AXIN1: variants seen among roughly 807,000 people sequenced by gnomAD.
AXIN1 encodes axin 1.
Under a neutral mutation model 76.4 loss-of-function variants are expected in AXIN1, and 30 were observed. The observed-to-expected ratio is 0.39, with a 90% CI of 0.29 to 0.53. AXIN1 has a LOEUF of 0.53. AXIN1 is among the 20% of genes least tolerant of loss of function. AXIN1 has a pLI of 0.66. For synonymous variants in AXIN1, 545 were observed against 501.4 expected (o/e 1.09, Z -1.16); for missense variants, 1,140 against 1,198.8 (o/e 0.95, Z 0.72).
intron 2 of AXIN1, among the ~76,000 whole-genome samples, chr16:344,475 TG>T (rs147164434): frequency 0.21 from 31,215 of 148,894 alleles, 3,596 homozygotes; most frequent in South Asian, 0.3. Flanking sequence ...AATCCTTTTT[TG>T]TTTTTTTTTT....
rs1215887445 is a variant in AXIN1 at position 287,628 on chromosome 16, G to C, written c.*494C>G. 2 of 318,104 alleles carry C rather than the reference G, an allele frequency of 6.3e-6. No homozygotes were observed. Among genetic ancestry groups the C allele is most frequent in the Non-Finnish European group, 1.2e-5 (2 of 169,832 alleles). The allele number at this position is 318,104 out of a possible 1,614,324, so 19.7% of individuals were successfully genotyped here. The stretch of plus-strand genomic sequence containing the variant: ...CTGCACAGCCGGCGGCTGGAGGCAG[G>C]TGCAGTGCTCCGTCGCCGATTCACA... On this transcript the variant is annotated 3_prime_UTR_variant, in exon 11 of 11. Transcript: ENST00000262320.
intron 2 of AXIN1, among the ~76,000 whole-genome samples, chr16:333,101 G>A (rs903197027): frequency 6.6e-6 from 1 of 152,136 alleles, no homozygotes; most frequent in African/African-American, 2.4e-5. Flanking sequence ...TGGAGGCCGA[G>A]GCAGGCGGAT....
At chr16:327,300 C>T (rs1178199100) in intron 2 of AXIN1, among the ~76,000 whole-genome samples, 1 of 152,110 alleles carries the variant, frequency 6.6e-6, no homozygotes, top group Non-Finnish European at 1.5e-5. Flanking sequence ...TGGGGCAGGG[C>T]ACTCTCACCC....
chr16:350,764 C>T (rs949372478), intron 1 of AXIN1, among the ~76,000 whole-genome samples: 8 of 152,210 alleles, frequency 5.3e-5, no homozygotes, highest in African/African-American at 1.9e-4. Flanking sequence ...GACAAGTCAA[C>T]ACCAGCTGAA....
intron 2 of AXIN1, among the ~76,000 whole-genome samples, chr16:341,430 T>C (rs900125848): frequency 1.3e-5 from 2 of 152,232 alleles, no homozygotes; most frequent in African/African-American, 4.8e-5. Flanking sequence ...GAGGGTGTGC[T>C]GGGTCCCCCG....
At chr16:314,417 C>T in intron 3 of AXIN1, 126 bp downstream of exon 3, 2 of 1,451,314 alleles carry the variant, frequency 1.4e-6, no homozygotes, top group South Asian at 1.2e-5. Context: ...TTACACGCTG[C>T]CATCCGCAAG....
intron 2 of AXIN1, among the ~76,000 whole-genome samples, chr16:345,168 G>A (rs2054008942): frequency 6.6e-6 from 1 of 152,128 alleles, no homozygotes; most frequent in Non-Finnish European, 1.5e-5. Flanking sequence ...AGGTTCCAAG[G>A]CTGAGCACCA....
rs1224890837 is a variant in AXIN1, at chr16:293,849, C to T, written c.1956-131G>A. On this transcript the variant is annotated intron_variant, in intron 7 of 10. Transcript: ENST00000262320. The surrounding 1 kb of genome is among the most constrained non-coding windows in gnomAD (Gnocchi z 4.6). ...GGGATGGGGCACTGGGGCCTGGCCA[C>T]CAAGCCACATGGACGTCCTCCACAG... The T allele has an allele frequency of 6.9e-6, 6 of 873,720 alleles. No individual in the cohort carries two copies. Among genetic ancestry groups the T allele is most frequent in the South Asian group, 1.3e-5 (1 of 74,510 alleles). 54.1% of individuals were successfully genotyped at this position (873,720 alleles called of 1,614,324 possible).
chr16:351,451 A>T (rs546769851), intron 1 of AXIN1, among the ~76,000 whole-genome samples: 1 of 152,264 alleles, frequency 6.6e-6, no homozygotes, highest in East Asian at 1.9e-4. Context: ...CTCTACTAAA[A>T]ATACAAAAAT....
chr16:314,461 C>A (rs2141591475), intron 3 of AXIN1, 82 bp downstream of exon 3: 1 of 1,585,934 alleles, frequency 6.3e-7, no homozygotes, highest in East Asian at 2.3e-5. Context: ...TTACACATTG[C>A]TGTCCTCAAG....
In AXIN1 at chr16:297,970, C is replaced by T. The variant is rs779801377; in HGVS notation, c.1536G>A (p.Gly512=). 1 of 1,601,734 alleles carries T rather than the reference C, an allele frequency of 6.2e-7. No homozygotes were observed. Among genetic ancestry groups the T allele is most frequent in the Non-Finnish European group, 8.5e-7 (1 of 1,177,242 alleles). Residue 512 remains glycine, a synonymous_variant, in exon 6 of 11, where the codon GGG becomes GGA. Transcript: ENST00000262320. The stretch of plus-strand genomic sequence containing the variant: ...CTGACTTGGGTACGTGCTTCCCGTG[C>T]CCCGAGGCGGCACCCCCCAGTGCCA... ...MPVALGGAAS[G]HGKHVPKSGA...
chr16:321,986 A>C (rs1033864839), intron 2 of AXIN1, among the ~76,000 whole-genome samples: 14 of 152,246 alleles, frequency 9.2e-5, no homozygotes, highest in Admixed American at 2.6e-4. Context: ...AAATGGCTGG[A>C]AACACACATC....
chr16:294,848 G>A (rs1274107202), intron 7 of AXIN1, among the ~76,000 whole-genome samples: 3 of 151,286 alleles, frequency 2.0e-5, no homozygotes, highest in Non-Finnish European at 4.4e-5. Context: ...GGATCACGAG[G>A]TCAAGAGATC....
chr16:295,610 G>A (rs922369624), intron 7 of AXIN1, among the ~76,000 whole-genome samples: 3 of 152,214 alleles, frequency 2.0e-5, no homozygotes, highest in Middle Eastern at 3.4e-3. Flanking sequence ...AAAGTGGAAT[G>A]TATTAATACT....
intron 4 of AXIN1, among the ~76,000 whole-genome samples, chr16:305,008 G>C (rs1168103926): frequency 1.3e-5 from 2 of 152,196 alleles, no homozygotes; most frequent in African/African-American, 4.8e-5. Flanking sequence ...GGCCTGAGCA[G>C]GGCAGCTTCA....
At chr16:289,114 A>G (rs2052478115) in intron 10 of AXIN1, among the ~76,000 whole-genome samples, 1 of 150,528 alleles carries the variant, frequency 6.6e-6, no homozygotes. Context: ...GTAGAGACAG[A>G]GTCTCGCTCT....
chr16:296,943 G>C (rs558834575), intron 7 of AXIN1, 113 bp downstream of exon 7: 1 of 1,304,232 alleles, frequency 7.7e-7, no homozygotes, highest in Non-Finnish European at 1.1e-6. Flanking sequence ...GGAAGTGTGA[G>C]GCGTCACAGG....
In AXIN1 at chr16:293,211, C is replaced by A. The variant is rs919047866; in HGVS notation, c.2186+277G>T. The A allele has an allele frequency of 1.0e-4, 53 of 530,494 alleles. No individual in the cohort carries two copies. Among genetic ancestry groups the A allele is most frequent in the Non-Finnish European group, 1.6e-4 (47 of 294,740 alleles). The allele number at this position is 530,494 out of a possible 1,614,324, so 32.9% of individuals were successfully genotyped here. A position where few individuals can be genotyped will look rare whatever the true frequency, so the allele number is the denominator to read the frequency against. ...ACACTGGGGCCCTGCAGCCTCCCTGCAGACTGGGCTCAGGTTGAGGAGGGA... is the reference window on the plus strand; with the variant it reads ...ACACTGGGGCCCTGCAGCCTCCCTGAAGACTGGGCTCAGGTTGAGGAGGGA... On this transcript the variant is annotated intron_variant, in intron 8 of 10. Coordinates refer to ENST00000262320, the MANE Select transcript of AXIN1 (RefSeq NM_003502.4). The surrounding 1 kb of genome is among the most constrained non-coding windows in gnomAD (Gnocchi z 4.6).
rs931305661 is a variant in AXIN1 at position 352,663 on chromosome 16, G to A, written c.-376C>T. On this transcript the variant is annotated 5_prime_UTR_variant, in exon 1 of 11. Transcript: ENST00000262320. ...GCGGCCACGATCGCCTCCCGAGCCA[G>A]AGCCCGAGCCAGAGCGCCGAAGCCC... The A allele has an allele frequency of 2.6e-5, 4 of 156,478 alleles. No homozygotes were observed. Among genetic ancestry groups the A allele is most frequent in the African/African-American group, 7.2e-5 (3 of 41,414 alleles). 9.7% of individuals were successfully genotyped at this position (156,478 alleles called of 1,614,324 possible).
Sources: allele counts gnomAD v4.1 joint callset (sites outside exome capture counted in the v4.1 genomes callset), GRCh38; gene constraint gnomAD v4.1.1; non-coding constraint Gnocchi (gnomAD v3.1); transcripts MANE v1.5; gene names NCBI Gene and HGNC (gene_info 2026-07-23, HGNC 2026-07-21).